PDE3B: variants seen among roughly 807,000 people sequenced by gnomAD.
PDE3B encodes phosphodiesterase 3B.
In PDE3B, 66 loss-of-function variants were observed where a neutral mutation model predicts 116.8. The ratio of observed to expected loss-of-function variants is 0.56; its 90% CI spans 0.46 to 0.69. PDE3B has a LOEUF of 0.69. PDE3B is among the 30% of genes least tolerant of loss of function. PDE3B has a pLI of 0.00. For missense variants in PDE3B, 1,384 were observed against 1,368.1 expected, an observed-to-expected ratio of 1.01 and a Z score of -0.18; for synonymous variants, 595 against 533.6, an observed-to-expected ratio of 1.12 and a Z score of -1.59.
At chr11:14,894,717 A>G in the PDE3B span, among the ~76,000 whole-genome samples, 16 of 152,268 alleles carry the variant, frequency 1.1e-4, no homozygotes, top group Non-Finnish European at 2.2e-4. Flanking sequence ...AGGAATAACT[A>G]TAAGTCTTTC....
At chr11:14,663,667 CAA>C (rs1309794239) in intron 1 of PDE3B, among the ~76,000 whole-genome samples, 1 of 151,982 alleles carries the variant, frequency 6.6e-6, no homozygotes, top group African/African-American at 2.4e-5. Flanking sequence ...TCAAAAGAGA[CAA>C]AGAAGGCCAT....
chr11:14,683,182 C>T (rs146005566), intron 1 of PDE3B, among the ~76,000 whole-genome samples: 28 of 152,224 alleles, frequency 1.8e-4, no homozygotes, highest in South Asian at 6.2e-4. Flanking sequence ...TCAGGTGATC[C>T]GCCTGCCTTG....
chr11:14,655,545 A>G (rs1853692951), intron 1 of PDE3B, among the ~76,000 whole-genome samples: 1 of 152,156 alleles, frequency 6.6e-6, no homozygotes, highest in African/African-American at 2.4e-5. Flanking sequence ...AAGATCAATA[A>G]GATATGGTTC....
chr11:14,836,895 C>T (rs1240704001), intron 11 of PDE3B, among the ~76,000 whole-genome samples: 1 of 152,216 alleles, frequency 6.6e-6, no homozygotes. Flanking sequence ...CCGCAACCTC[C>T]GCCTCCTAGG....
At chr11:14,665,463 A>T (rs1854105819) in intron 1 of PDE3B, among the ~76,000 whole-genome samples, 1 of 152,226 alleles carries the variant, frequency 6.6e-6, no homozygotes, top group African/African-American at 2.4e-5. Flanking sequence ...AATTAGGAAA[A>T]GAGGAAGTCA....
chr11:14,674,705 T>C (rs564313724), intron 1 of PDE3B: 2 of 199,240 alleles, frequency 1.0e-5, no homozygotes, highest in South Asian at 1.8e-4. Flanking sequence ...TTTCTGCTTC[T>C]TACCCTCATA....
intron 1 of PDE3B, among the ~76,000 whole-genome samples, chr11:14,714,539 C>CA (rs759855381): frequency 0.017 from 1,288 of 75,962 alleles, 9 homozygotes; most frequent in Middle Eastern, 0.036. Context: ...AACCCTGTCT[C>CA]AAAAAAAAAA....
intron 5 of PDE3B, among the ~76,000 whole-genome samples, chr11:14,811,967 C>A (rs897943298): frequency 1.3e-5 from 2 of 152,040 alleles, no homozygotes; most frequent in African/African-American, 4.8e-5. Flanking sequence ...TATAAGAATG[C>A]TTGTGATTTT....
chr11:14,740,311 C>G (rs1856726480), intron 1 of PDE3B, among the ~76,000 whole-genome samples: 1 of 152,144 alleles, frequency 6.6e-6, no homozygotes, highest in Non-Finnish European at 1.5e-5. Context: ...GATTTGACTT[C>G]TTCCTGGTTT....
At chr11:14,759,408 T>G (rs1857289541) in intron 1 of PDE3B, among the ~76,000 whole-genome samples, 1 of 152,124 alleles carries the variant, frequency 6.6e-6, no homozygotes, top group African/African-American at 2.4e-5. Context: ...GCACAACAAG[T>G]TTAAATCTGC....
At chr11:14,746,771 G>T (rs374094373) in intron 1 of PDE3B, among the ~76,000 whole-genome samples, 4 of 152,206 alleles carry the variant, frequency 2.6e-5, no homozygotes, top group Non-Finnish European at 4.4e-5. Flanking sequence ...GAAAGCATGA[G>T]TGAGGCTGAA....
At chr11:14,832,453 A>T (rs1356590552) in intron 9 of PDE3B, among the ~76,000 whole-genome samples, 1 of 152,220 alleles carries the variant, frequency 6.6e-6, no homozygotes, top group African/African-American at 2.4e-5. Context: ...GTAAATTAGG[A>T]ATAAAAAGCT....
intron 12 of PDE3B, among the ~76,000 whole-genome samples, chr11:14,853,762 C>T (rs1847799594): frequency 6.6e-6 from 1 of 152,122 alleles, no homozygotes; most frequent in Admixed American, 6.5e-5. Context: ...TACATATAGT[C>T]AGGTATATCC....
At chr11:14,887,748 A>T in the PDE3B span, 1 of 427,044 alleles carries the variant, frequency 2.3e-6, no homozygotes, top group South Asian at 1.0e-4. Flanking sequence ...GTTGAGGCCC[A>T]GGACTTTGCA....
intron 1 of PDE3B, among the ~76,000 whole-genome samples, chr11:14,722,604 A>G (rs1856153203): frequency 6.6e-6 from 1 of 152,174 alleles, no homozygotes; most frequent in African/African-American, 2.4e-5. Flanking sequence ...AAATCTTGGT[A>G]AAAAGTTTTT....
intron 4 of PDE3B, among the ~76,000 whole-genome samples, chr11:14,792,770 T>C (rs1416354677): frequency 1.3e-5 from 2 of 152,118 alleles, no homozygotes; most frequent in Non-Finnish European, 2.9e-5. Flanking sequence ...CCCTTTTAAT[T>C]TAAAAAGCAA....
chr11:14,649,412 A>G (rs757887063), intron 1 of PDE3B, among the ~76,000 whole-genome samples: 2 of 152,256 alleles, frequency 1.3e-5, no homozygotes, highest in East Asian at 1.9e-4. Flanking sequence ...ATTGAACTCC[A>G]GAGAGATAAA....
rs1418494205 is a variant in PDE3B at position 14,664,944 on chromosome 11, G to T, written c.978+19891G>T. 2.0e-5 allele frequency among the ~76,000 whole-genome samples: 3 copies of T among 152,130 alleles called. No homozygotes were observed. In the East Asian group the frequency reaches 5.8e-4, roughly 29 times the overall value. The stretch of plus-strand genomic sequence containing the variant: ...AGACCAGCATCATCCTGATACCAAA[G>T]CCGGGCAGAGACACAACAAAAAAAG... On this transcript the variant is annotated intron_variant, in intron 1 of 15. Coordinates refer to ENST00000282096, the MANE Select transcript of PDE3B (RefSeq NM_000922.4).
chr11:14,756,969 C>G (rs1161138069), intron 1 of PDE3B, among the ~76,000 whole-genome samples: 1 of 124,134 alleles, frequency 8.1e-6, no homozygotes, highest in Non-Finnish European at 1.6e-5. Context: ...CACCCCACCA[C>G]AGTCCCCAGA....
Sources: gnomAD v4.1 joint callset for allele counts (sites outside exome capture counted in the v4.1 genomes callset) on GRCh38, gnomAD v4.1.1 for gene constraint, MANE v1.5 for transcripts, NCBI Gene and HGNC (gene_info 2026-07-23, HGNC 2026-07-21) for gene names.